The following ANKRD34B variants were observed in gnomAD, a reference collection of about 807,000 sequenced individuals.
The protein encoded by ANKRD34B is ankyrin repeat domain 34B, also known as ankyrin repeat domain-containing protein 34B.
ANKRD34B carries 2 observed loss-of-function variants against 4.4 expected under a neutral mutation model. That is an observed-to-expected ratio of 0.46 (90% CI 0.19 to 1.44). ANKRD34B has a LOEUF of 1.44. Among genes scored for constraint, ANKRD34B ranks in the 40% most tolerant of loss-of-function variants. The pLI, the probability that ANKRD34B is intolerant of heterozygous loss-of-function variation, is 0.26. For synonymous variants in ANKRD34B, 226 were observed against 227.1 expected (o/e 0.99, Z 0.05); for missense variants, 558 against 604.7 (o/e 0.92, Z 0.81).
chr5:80,563,885 G>T (rs1746483279), intron 3 of ANKRD34B, 70 bp from the exon 4 acceptor site: 1 of 152,046 alleles, frequency 6.6e-6, no homozygotes. Flanking sequence ...TATATAAATG[G>T]GCTTAATAGA....
At chr5:80,569,168 G>C (rs1434865261) in intron 1 of ANKRD34B, 61 bp from the exon 2 acceptor site, 4 of 152,516 alleles carry the variant, frequency 2.6e-5, no homozygotes, top group African/African-American at 7.2e-5. Context: ...CGATGGGGGC[G>C]GGGTGCGCGT....
intron 4 of ANKRD34B, among the ~76,000 whole-genome samples, chr5:80,562,052 CGTGTGTGTGTGTGTGTGTGTGTGTGT>C (rs56934964): frequency 0.14 from 17,509 of 128,356 alleles, 1,123 homozygotes; most frequent in Middle Eastern, 0.24. Flanking sequence ...ACTGACTCAG[CGTGTGTGTGTGTGTGTGTGTGTGTGT>C]GTGTGTGTGT....
intron 4 of ANKRD34B, 98 bp from the exon 5 acceptor site, chr5:80,560,140 A>G (rs1449801838): frequency 1.5e-6 from 1 of 681,764 alleles, no homozygotes; most frequent in Non-Finnish European, 2.4e-6. Context: ...TATGTAGGGG[A>G]CATAAATGGG....
rs1017009304 is a variant in ANKRD34B, at chr5:80,559,291, G to C, written c.729C>G (p.Pro243=). 5.0e-6 allele frequency: 8 copies of C among 1,614,166 alleles called. No individual in the cohort carries two copies. Among genetic ancestry groups the C allele is most frequent in the Non-Finnish European group, 6.8e-6 (8 of 1,180,024 alleles). ...PALAPKGPKL[P]HAPPWVKSPP... is the part of the protein sequence containing the mutation. ...GACTCTTGACCCAGGGTGGAGCGTGGGGGAGCTTGGGCCCCTTAGGGGCCA... is the reference window on the plus strand; with the variant it reads ...GACTCTTGACCCAGGGTGGAGCGTGCGGGAGCTTGGGCCCCTTAGGGGCCA... The change falls in exon 5 of 5, where the codon CCC becomes CCG. Residue 243 remains proline (P), a synonymous_variant. Transcript: ENST00000338682.
chr5:80,564,426 T>A (rs943315066), intron 3 of ANKRD34B: 1 of 152,262 alleles, frequency 6.6e-6, no homozygotes, highest in Non-Finnish European at 1.5e-5. Flanking sequence ...CAGGAGGTTC[T>A]GGGAGAAGAA....
rs1209127032 is a variant in ANKRD34B at position 80,556,798 on chromosome 5, A to ATCTATT, written c.*1671_*1676dup. 1.3e-5 allele frequency: 2 copies of ATCTATT among 152,646 alleles called. No homozygotes were observed. The highest frequency in any genetic ancestry group is 4.8e-5 in the African/African-American group (2 of 41,454). The allele number at this position is 152,646 out of a possible 1,614,324, so 9.5% of individuals were successfully genotyped here. A position where few individuals can be genotyped will look rare whatever the true frequency, so the allele number is the denominator to read the frequency against. On this transcript the variant is annotated 3_prime_UTR_variant, in exon 5 of 5. Transcript: ENST00000338682. ...TTGATACCATTTTGTTTATGAACTA[A>ATCTATT]TCTATTTACATACCCTTCCAAATTG...
intron 3 of ANKRD34B, among the ~76,000 whole-genome samples, chr5:80,564,204 T>C (rs1448231523): frequency 6.6e-6 from 1 of 152,054 alleles, no homozygotes; most frequent in Non-Finnish European, 1.5e-5. Context: ...TTGGCACAGG[T>C]TCTTGCTATA....
At chr5:80,567,732 T>G (rs1746619355) in intron 2 of ANKRD34B, among the ~76,000 whole-genome samples, 1 of 151,976 alleles carries the variant, frequency 6.6e-6, no homozygotes, top group Non-Finnish European at 1.5e-5. Context: ...GTTCATCATC[T>G]GGCCATGGTG....
chr5:80,569,144 CAG>C (rs1746677054), intron 1 of ANKRD34B, 37 bp from the exon 2 acceptor site: 4 of 152,392 alleles, frequency 2.6e-5, no homozygotes, highest in African/African-American at 7.2e-5. Flanking sequence ...ACTGGGGCGA[CAG>C]CTCCAGGGCA....
At chr5:80,561,879 T>C (rs1746414678) in intron 4 of ANKRD34B, among the ~76,000 whole-genome samples, 1 of 152,076 alleles carries the variant, frequency 6.6e-6, no homozygotes, top group Admixed American at 6.5e-5. Context: ...TTTTAGCAGA[T>C]AGTTAGGGTT....
chr5:80,569,564 C>T (rs939457978), intron 1 of ANKRD34B, among the ~76,000 whole-genome samples: 1 of 150,482 alleles, frequency 6.6e-6, no homozygotes, highest in African/African-American at 2.4e-5. Context: ...GCCCAGCTGC[C>T]GAGGCACCTG....
rs199980623 is a variant in ANKRD34B at position 80,559,097 on chromosome 5, G to T, written c.923C>A (p.Ala308Asp). 2.3e-5 allele frequency: 37 copies of T among 1,614,158 alleles called. No homozygotes were observed. In the Middle Eastern group the frequency reaches 4.9e-4, roughly 22 times the overall value. ...CTTCCTTGAGCTGGCCTGATCAAAGGCTCTTAGCAAATGTGCAGTGTCTTT... is the reference window on the plus strand; with the variant it reads ...CTTCCTTGAGCTGGCCTGATCAAAGTCTCTTAGCAAATGTGCAGTGTCTTT... Reference protein sequence around the residue: ...DVKDTAHLLRAFDQASSRKMS... With the variant: ...DVKDTAHLLRDFDQASSRKMS... Residue 308 changes from alanine (A) to aspartate (D), a missense_variant, in exon 5 of 5, where the codon GCC becomes GAC. Ala to Asp is a moderately radical substitution (Grantham distance 126). Transcript: ENST00000338682.
At chr5:80,569,573 TGCG>T (rs1171342571) in intron 1 of ANKRD34B, among the ~76,000 whole-genome samples, 2 of 150,304 alleles carry the variant, frequency 1.3e-5, no homozygotes, top group South Asian at 2.1e-4. Context: ...CCGAGGCACC[TGCG>T]GAGACGCGCC....
At position 80,558,228 on chromosome 5, in the gene ANKRD34B, T is replaced by C. The variant is rs369635669; in HGVS notation, c.*247A>G. 101 of 268,962 alleles carry C rather than the reference T, an allele frequency of 3.8e-4. 1 individual carries two copies. In the South Asian group the frequency reaches 9.4e-3, roughly 25 times the overall value. 16.7% of individuals were successfully genotyped at this position (268,962 alleles called of 1,614,324 possible). On this transcript the variant is annotated 3_prime_UTR_variant, in exon 5 of 5. Transcript: ENST00000338682. The stretch of plus-strand genomic sequence containing the variant: ...ATGACAAATTTGGACTACATGGAGA[T>C]TGTTAAATATTAGAAGCATTGAGAA...
intron 3 of ANKRD34B, among the ~76,000 whole-genome samples, chr5:80,565,534 G>A (rs951619135): frequency 2.0e-5 from 3 of 152,216 alleles, no homozygotes; most frequent in Non-Finnish European, 4.4e-5. Flanking sequence ...CAGCCTCTAG[G>A]AGTCTTGAGT....
Position 80,559,404 on chromosome 5 carries a change from G to A in ANKRD34B, c.616C>T (p.Leu206=). ...AGATCTTTAAAGCCAAAAAGCGTCA[G>A]TTCCGTTTCAGAAGAATGTGAAAGT... is the stretch of plus-strand genomic sequence containing the variant. The part of the protein sequence containing the change: ...SPLSHSSETE[L]TLFGFKDLEL... The change falls in exon 5 of 5, where the codon CTG becomes TTG. Residue 206 remains leucine, a synonymous_variant. Coordinates refer to ENST00000338682, the MANE Select transcript of ANKRD34B (RefSeq NM_001004441.3). 1 of 1,614,212 alleles carries A rather than the reference G, an allele frequency of 6.2e-7. No homozygotes were observed.
rs1212752928 is a variant in ANKRD34B at position 80,558,688 on chromosome 5, G to C, written c.1332C>G (p.Thr444=). ...TTAAGGGTGGGAGAAACCCTTGTCT[G>C]GTTTGGGTAACACTGTGATCTAAAG... ...AFPLDHSVTQ[T]RQGFLPPLNV... is the part of the protein sequence containing the mutation. The change falls in exon 5 of 5, where the codon ACC becomes ACG. Residue 444 remains threonine (T), a synonymous_variant. Coordinates refer to ENST00000338682, the MANE Select transcript of ANKRD34B (RefSeq NM_001004441.3). 3.7e-6 allele frequency: 6 copies of C among 1,614,002 alleles called. No homozygotes were observed. The highest frequency in any genetic ancestry group is 1.7e-5 in the Admixed American group (1 of 60,004).
chr5:80,560,132 T>C, intron 4 of ANKRD34B, 90 bp from the exon 5 acceptor site: 2 of 742,666 alleles, frequency 2.7e-6, no homozygotes, highest in East Asian at 5.5e-5. Flanking sequence ...TTTGAAAATA[T>C]GTAGGGGACA....
rs1265330057 is a variant in ANKRD34B at position 80,559,264 on chromosome 5, G to A, written c.756C>T (p.Pro252=). The stretch of plus-strand genomic sequence containing the variant: ...CTCTGTTCTGGTGCATTAATAATGG[G>A]GGACTCTTGACCCAGGGTGGAGCGT... The part of the protein sequence containing the change: ...LPHAPPWVKS[P]PLLMHQNRVA... Residue 252 remains proline (P), a synonymous_variant, in exon 5 of 5, where the codon CCC becomes CCT. Transcript: ENST00000338682. 1.2e-6 allele frequency: 2 copies of A among 1,614,164 alleles called. No individual in the cohort carries two copies. The highest frequency in any genetic ancestry group is 2.2e-5 in the South Asian group (2 of 91,082).
Sources: gnomAD v4.1 joint callset for allele counts (sites outside exome capture counted in the v4.1 genomes callset) on GRCh38, gnomAD v4.1.1 for gene constraint, MANE v1.5 for transcripts, NCBI Gene and HGNC (gene_info 2026-07-23, HGNC 2026-07-21) for gene names.